Variants in EPS8L2 observed in about 807,000 individuals in gnomAD.
EPS8L2 encodes epidermal growth factor receptor kinase substrate 8-like protein 2.
In EPS8L2, 81 loss-of-function variants were observed where a neutral mutation model predicts 99.4. The observed-to-expected ratio is 0.82, with a 90% confidence interval of 0.68 to 0.98. EPS8L2 has a LOEUF of 0.98. Among genes scored for constraint, EPS8L2 ranks in the 50% least tolerant of loss-of-function variants. The pLI is 0.00. For missense variants in EPS8L2, 1,155 were observed against 968.8 expected, an observed-to-expected ratio of 1.19 and a Z score of -2.55; for synonymous variants, 509 against 407.3, an observed-to-expected ratio of 1.25 and a Z score of -3.01.
Position 709,973 on chromosome 11 carries a change from A to T in EPS8L2, c.100+365A>T, listed in dbSNP as rs551153461. Reference sequence around the variant, plus strand: ...CCCCCCACTCTGCCCTTCCCCAGAGACGACCCTGCCCTCTCGCTAGCTAGA... The same window carrying T: ...CCCCCCACTCTGCCCTTCCCCAGAGTCGACCCTGCCCTCTCGCTAGCTAGA... On this transcript the variant is annotated intron_variant, in intron 3 of 20. Coordinates refer to ENST00000318562, the MANE Select transcript of EPS8L2 (RefSeq NM_022772.4). 1.1e-4 allele frequency: 48 copies of T among 418,072 alleles called. 1 individual carries two copies. The South Asian group carries it at 1.2e-3, about 11-fold the overall frequency. 25.9% of individuals were successfully genotyped at this position (418,072 alleles called of 1,614,324 possible).
rs780857388 is a variant in EPS8L2 at position 723,304 on chromosome 11, A to AC, written c.1412dup (p.Asp473GlyfsTer30). The AC allele has an allele frequency of 7.2e-5, 114 of 1,592,630 alleles. No homozygotes were observed. Among genetic ancestry groups the AC allele is most frequent in the Non-Finnish European group, 7.9e-5 (93 of 1,170,990 alleles). ...GAAGCACAGCCCCACTTCAGAGCCC[A>AC]CCCCCCCGGGGGATGCCCTACCACC... On this transcript the variant is annotated frameshift_variant, in exon 15 of 21. Transcript: ENST00000318562. LOFTEE classifies it high-confidence loss of function.
Position 721,112 on chromosome 11 carries a change from C to G in EPS8L2, c.606C>G (p.Pro202=). The change falls in exon 8 of 21, where the codon CCC becomes CCG. Residue 202 remains proline, a synonymous_variant. Transcript: ENST00000318562. ...AGCGGCAGTCCATCCTGCCTCCTCCCCAGGGCCCGGCGCCCATCCCCTTCC... is the reference window on the plus strand; with the variant it reads ...AGCGGCAGTCCATCCTGCCTCCTCCGCAGGGCCCGGCGCCCATCCCCTTCC... ...IRQRQSILPP[P]QGPAPIPFQH... is the part of the protein sequence containing the mutation. 2 of 1,533,928 alleles carry G rather than the reference C, an allele frequency of 1.3e-6. No individual in the cohort carries two copies. The highest frequency in any genetic ancestry group is 8.8e-7 in the Non-Finnish European group (1 of 1,142,620).
At chr11:720,949 G>GGGGA in intron 7 of EPS8L2, 40 bp downstream of exon 7, 1 of 1,488,998 alleles carries the variant, frequency 6.7e-7, no homozygotes, top group Non-Finnish European at 9.0e-7. Context: ...GGGGCGGGGA[G>GGGGA]GGGAGGAGCC....
At chr11:709,017 C>A (rs1330966019) in intron 1 of EPS8L2, 1 of 145,600 alleles carries the variant, frequency 6.9e-6, no homozygotes, top group East Asian at 2.2e-4. Flanking sequence ...CCCCACAGCA[C>A]CAGGGCCTTA....
At chr11:708,292 T>G (rs925241287) in intron 1 of EPS8L2, among the ~76,000 whole-genome samples, 2 of 152,182 alleles carry the variant, frequency 1.3e-5, no homozygotes, top group Non-Finnish European at 2.9e-5. Context: ...TCAGCCTGGT[T>G]CAGGGCCATC....
At chr11:725,971 G>T (rs866689684) in intron 17 of EPS8L2, 124 bp downstream of exon 17, 11 of 1,355,752 alleles carry the variant, frequency 8.1e-6, no homozygotes, top group Non-Finnish European at 9.8e-6. Flanking sequence ...AGGGCTCCCT[G>T]GGCAGAAGGA....
intron 4 of EPS8L2, among the ~76,000 whole-genome samples, chr11:711,997 A>G (rs893593960): frequency 4.0e-5 from 6 of 150,066 alleles, no homozygotes; most frequent in Non-Finnish European, 1.5e-5. Context: ...AAGAGAAAAA[A>G]AAAAGGGACC....
intron 4 of EPS8L2, among the ~76,000 whole-genome samples, chr11:712,623 G>A (rs1263818407): frequency 6.6e-6 from 1 of 152,240 alleles, no homozygotes; most frequent in Non-Finnish European, 1.5e-5. Context: ...CCCTGGCTGG[G>A]GGCCCAAAAT....
chr11:718,572 C>T (rs757548116), intron 4 of EPS8L2, among the ~76,000 whole-genome samples: 56 of 151,570 alleles, frequency 3.7e-4, no homozygotes, highest in South Asian at 2.5e-3. Context: ...GCAACTTTGA[C>T]CTCCTGGGCT....
intron 3 of EPS8L2, 56 bp downstream of exon 3, chr11:709,664 C>T: frequency 6.3e-7 from 1 of 1,582,728 alleles, no homozygotes. Context: ...GGCACTGCAT[C>T]CAGGTGGGGG....
In EPS8L2 at chr11:714,622, ATTT is replaced by A. The variant is rs1209798831; in HGVS notation, c.165+4141_165+4143del. Among the ~76,000 whole-genome samples, 9 of 132,916 alleles carry A rather than the reference ATTT, an allele frequency of 6.8e-5. No individual in the cohort carries two copies. The South Asian group carries it at 1.7e-3, about 25-fold the overall frequency. 87.2% of individuals were successfully genotyped at this position (132,916 alleles called of 152,430 possible). Reference sequence around the variant, plus strand: ...TATTTTATTTTATTTTATTTTATTTATTTTTTTATTTAATTTTTAAATTTTATT... The same window carrying A: ...TATTTTATTTTATTTTATTTTATTTATTTTATTTAATTTTTAAATTTTATT... On this transcript the variant is annotated intron_variant, in intron 4 of 20. Transcript: ENST00000318562.
intron 4 of EPS8L2, among the ~76,000 whole-genome samples, chr11:711,262 G>A (rs1288015066): frequency 9.9e-6 from 1 of 101,186 alleles, no homozygotes; most frequent in Non-Finnish European, 2.2e-5. Flanking sequence ...GCGTGTGTGC[G>A]TGCGTGCGTG....
intron 15 of EPS8L2, among the ~76,000 whole-genome samples, chr11:723,730 G>T (rs566627518): frequency 1.3e-5 from 2 of 152,182 alleles, no homozygotes; most frequent in African/African-American, 4.8e-5. Context: ...AGGAGACTGG[G>T]GTTCTGGGCT....
intron 4 of EPS8L2, among the ~76,000 whole-genome samples, chr11:719,823 G>C: frequency 6.6e-6 from 1 of 152,280 alleles, no homozygotes. Context: ...ATGGTGGCGC[G>C]GGGCCGGGCA....
rs1334221633 is a variant in EPS8L2, at chr11:726,227, A to AGT, written c.1753+61_1753+62dup. The AGT allele has an allele frequency of 6.6e-4, 1,000 of 1,521,700 alleles. 1 individual carries two copies. The highest frequency in any genetic ancestry group is 8.4e-4 in the Non-Finnish European group (937 of 1,120,490). The allele number at this position is 1,521,700 out of a possible 1,614,324, so 94.3% of individuals were successfully genotyped here. On this transcript the variant is annotated intron_variant, in intron 18 of 20. Coordinates refer to ENST00000318562, the MANE Select transcript of EPS8L2 (RefSeq NM_022772.4). ...GGGCCCAGGGCCACCTGGGGGAGGA[A>AGT]GTGTGGGGGGGGTCCCTGGGCCGGG...
chr11:720,474 G>C (rs1220040317), intron 5 of EPS8L2, 123 bp from the exon 6 acceptor site: 2 of 1,452,720 alleles, frequency 1.4e-6, no homozygotes, highest in African/African-American at 2.8e-5. Context: ...CCTCATCTTT[G>C]GGAGCCCATT....
chr11:720,938 GGGGGCGGGGAGGGGA>G (rs1417121718), intron 7 of EPS8L2, 29 bp downstream of exon 7: 1 of 839,094 alleles, frequency 1.2e-6, no homozygotes, highest in South Asian at 1.6e-5. Flanking sequence ...CGGGGTCGCA[GGGGGCGGGGAGGGGA>G]GGAGCCCGGC....
At chr11:720,260 G>C (rs777682256) in intron 5 of EPS8L2, 37 bp downstream of exon 5, 3 of 1,602,720 alleles carry the variant, frequency 1.9e-6, no homozygotes, top group East Asian at 2.2e-5. Context: ...GGAGCACAGT[G>C]GGTAGAGGCG....
rs372614859 is a variant in EPS8L2, at chr11:726,732, T to A, written c.2048T>A (p.Met683Lys). The A allele has an allele frequency of 1.3e-6, 2 of 1,595,108 alleles. No individual in the cohort carries two copies. Among genetic ancestry groups the A allele is most frequent in the Admixed American group, 1.8e-5 (1 of 56,682 alleles). Residue 683 changes from methionine to lysine, a missense_variant, in exon 20 of 21, where the codon ATG (methionine) becomes AAG (lysine). By Grantham distance (95) the Met-to-Lys change is moderately conservative. Coordinates refer to ENST00000318562, the MANE Select transcript of EPS8L2 (RefSeq NM_022772.4). ...EGVRVYSQLT[M>K]QKAFLEKQQS... is the part of the protein sequence containing the mutation. The stretch of plus-strand genomic sequence containing the variant: ...GTCCGCGTGTACAGCCAGCTCACCA[T>A]GCAGAAGGCCTTCCTGGAGGTGAGC...
Sources: allele counts gnomAD v4.1 joint callset (sites outside exome capture counted in the v4.1 genomes callset), GRCh38; gene constraint gnomAD v4.1.1; transcripts MANE v1.5; gene names NCBI Gene and HGNC (gene_info 2026-07-23, HGNC 2026-07-21).